Variants in PARD3B observed in about 807,000 individuals in gnomAD.
PARD3B encodes the protein partitioning defective 3 homolog B.
A neutral mutation model predicts 130.2 loss-of-function variants in PARD3B; 103 were observed. That is an observed-to-expected ratio of 0.79 (90% CI 0.67 to 0.93). The LOEUF (loss-of-function observed/expected upper bound fraction) is 0.93, where lower values mean the gene tolerates loss of function less well. Among genes scored for constraint, PARD3B ranks in the 40% least tolerant of loss-of-function variants. The probability of loss-of-function intolerance (pLI) is 0.00; values close to 1 mark genes in which losing one functional copy is unlikely to be tolerated. For synonymous variants in PARD3B, 583 were observed against 553.2 expected, an observed-to-expected ratio of 1.05 and a Z score of -0.76; for missense variants, 1,609 against 1,499.2, an observed-to-expected ratio of 1.07 and a Z score of -1.21.
At chr2:204,897,013 T>C (rs182947118) in intron 2 of PARD3B, among the ~76,000 whole-genome samples, 4 of 151,834 alleles carry the variant, frequency 2.6e-5, no homozygotes, top group Admixed American at 2.6e-4. Context: ...AAAAGGAAAT[T>C]AATTGTGTGC....
intron 2 of PARD3B, among the ~76,000 whole-genome samples, chr2:204,691,265 T>C (rs951058556): frequency 6.6e-6 from 1 of 152,118 alleles, no homozygotes; most frequent in Admixed American, 6.6e-5. Flanking sequence ...AACATGGCAG[T>C]CTATCACATC....
intron 1 of PARD3B, among the ~76,000 whole-genome samples, chr2:204,548,030 C>T (rs915322548): frequency 2.0e-5 from 3 of 152,156 alleles, no homozygotes; most frequent in Non-Finnish European, 4.4e-5. Flanking sequence ...CTTATTTTCA[C>T]TTTTAAAATT....
intron 2 of PARD3B, among the ~76,000 whole-genome samples, chr2:204,785,608 A>G (rs905565602): frequency 1.3e-5 from 2 of 152,202 alleles, no homozygotes; most frequent in African/African-American, 4.8e-5. Context: ...AGTTATGTGT[A>G]TTGGTCTCTA....
chr2:204,697,227 G>A (rs10208062), intron 2 of PARD3B, among the ~76,000 whole-genome samples: 17,130 of 151,984 alleles, frequency 0.11, 2,168 homozygotes, highest in African/African-American at 0.31. Flanking sequence ...TAAATAGTTC[G>A]CCTTTTAAAT....
At chr2:205,282,909 G>T (rs2105843258) in intron 16 of PARD3B, among the ~76,000 whole-genome samples, 1 of 152,304 alleles carries the variant, frequency 6.6e-6, no homozygotes, top group East Asian at 1.9e-4. Context: ...GCAAATGAGA[G>T]ATTCAAACTT....
chr2:204,581,962 A>G (rs962100340), intron 1 of PARD3B, among the ~76,000 whole-genome samples: 1 of 152,168 alleles, frequency 6.6e-6, no homozygotes, highest in African/African-American at 2.4e-5. Context: ...GTGGGTTTAA[A>G]GCACAGTATA....
chr2:205,245,810 G>A lies in PARD3B; in HGVS notation c.2173G>A (p.Gly725Arg). The A allele has an allele frequency of 1.3e-6, 2 of 1,598,412 alleles. No homozygotes were observed. The highest frequency in any genetic ancestry group is 8.6e-7 in the Non-Finnish European group (1 of 1,166,350). Reference protein sequence around the residue: ...PDESKVHSLAGQKSESPSKDF... With the variant: ...PDESKVHSLARQKSESPSKDF... ...TGAAAGCAAGGTTCACTCATTGGCT[G>A]GACAAAAATCGGGTAAGAAATTCCT... The change falls in exon 16 of 23, where the codon GGA becomes AGA. Residue 725 changes from glycine (G) to arginine (R), a missense_variant. Gly to Arg is a moderately radical substitution (Grantham distance 125). Transcript: ENST00000406610.
intron 16 of PARD3B, among the ~76,000 whole-genome samples, chr2:205,255,408 T>C (rs1445575012): frequency 2.6e-5 from 4 of 152,232 alleles, no homozygotes; most frequent in African/African-American, 9.6e-5. Flanking sequence ...GTATGGTTTT[T>C]CCCCACACAC....
intron 4 of PARD3B, among the ~76,000 whole-genome samples, chr2:205,084,406 G>A (rs12694015): frequency 0.99 from 150,300 of 152,122 alleles, 74,279 homozygotes; most frequent in Middle Eastern, 1. Flanking sequence ...GGTGCTTTCA[G>A]CTTACTACTT....
intron 1 of PARD3B, among the ~76,000 whole-genome samples, chr2:204,672,965 G>A (rs776523781): frequency 6.6e-6 from 1 of 152,210 alleles, no homozygotes; most frequent in Non-Finnish European, 1.5e-5. Context: ...CTGTTGTCAA[G>A]AAAGAAAATA....
At chr2:204,698,756 T>TA (rs1316158125) in intron 2 of PARD3B, among the ~76,000 whole-genome samples, 2 of 152,056 alleles carry the variant, frequency 1.3e-5, no homozygotes, top group East Asian at 1.9e-4. Flanking sequence ...TGCGTGGTCT[T>TA]ACAGAGTAAC....
rs77829770 is a variant in PARD3B, at chr2:205,090,482, T to G, written c.505-13944T>G. On this transcript the variant is annotated intron_variant, in intron 4 of 22. Coordinates refer to ENST00000406610, the MANE Select transcript of PARD3B (RefSeq NM_001302769.2). Reference sequence around the variant, plus strand: ...AATATTTACAACAGTTTCTCTGGGGTTTGTTATTTCTGCATGCACTTGTGA... The same window carrying G: ...AATATTTACAACAGTTTCTCTGGGGGTTGTTATTTCTGCATGCACTTGTGA... Among the ~76,000 whole-genome samples, 8 of 152,136 alleles carry G rather than the reference T, an allele frequency of 5.3e-5. No individual in the cohort carries two copies. In the East Asian group the frequency reaches 1.4e-3, roughly 26 times the overall value.
chr2:205,162,854 G>T (rs1176667544), intron 11 of PARD3B, among the ~76,000 whole-genome samples: 1 of 152,140 alleles, frequency 6.6e-6, no homozygotes, highest in Non-Finnish European at 1.5e-5. Context: ...GTCTGAAGAT[G>T]TTAGATATTT....
intron 16 of PARD3B, among the ~76,000 whole-genome samples, chr2:205,286,151 T>C (rs943277070): frequency 9.2e-5 from 14 of 152,172 alleles, no homozygotes; most frequent in Non-Finnish European, 2.1e-4. Context: ...ACAGTTTTTT[T>C]TTCTTTTTTG....
chr2:205,245,638 A>G, intron 15 of PARD3B, 140 bp from the exon 16 acceptor site: 3 of 575,062 alleles, frequency 5.2e-6, no homozygotes, highest in Non-Finnish European at 9.2e-6. Context: ...ATCCCAGGGT[A>G]GGCTGGGAGA....
Position 204,715,933 on chromosome 2 carries a change from C to T in PARD3B, c.222+29651C>T, listed in dbSNP as rs1574793399. Among the ~76,000 whole-genome samples the T allele has an allele frequency of 1.3e-5, 2 of 152,106 alleles. 1 individual carries two copies. The highest frequency in any genetic ancestry group is 4.1e-4 in the South Asian group (2 of 4,826). ...GCACTCCTCAGTTTGAACTGTCACT[C>T]GCCTGGCACACAGATTCATAGGCCT... is the stretch of plus-strand genomic sequence containing the variant. On this transcript the variant is annotated intron_variant, in intron 2 of 22. Transcript: ENST00000406610.
At chr2:205,119,680 G>T (rs185611451) in intron 7 of PARD3B, among the ~76,000 whole-genome samples, 47 of 152,182 alleles carry the variant, frequency 3.1e-4, no homozygotes, top group Non-Finnish European at 5.9e-4. Context: ...TACTTGGGAG[G>T]CTGAGGCAGG....
In PARD3B at chr2:205,113,597, C is replaced by G; in HGVS notation, c.680+20C>G. On this transcript the variant is annotated intron_variant, in intron 6 of 22. Transcript: ENST00000406610. ...TGGAAGGTAAGATGTTTTTCTCATT[C>G]CAGAAGCTCATGCTAATGAAAACCC... 1 of 1,583,830 alleles carries G rather than the reference C, an allele frequency of 6.3e-7. No homozygotes were observed. Among genetic ancestry groups the G allele is most frequent in the East Asian group, 2.3e-5 (1 of 44,442 alleles).
intron 22 of PARD3B, among the ~76,000 whole-genome samples, chr2:205,583,460 T>C (rs1485840648): frequency 6.6e-6 from 1 of 151,900 alleles, no homozygotes; most frequent in African/African-American, 2.4e-5. Context: ...CTGGATTGCC[T>C]TGAGAATAGA....
Sources: gnomAD v4.1 joint callset for allele counts (sites outside exome capture counted in the v4.1 genomes callset) on GRCh38, gnomAD v4.1.1 for gene constraint, MANE v1.5 for transcripts, NCBI Gene and HGNC (gene_info 2026-07-23, HGNC 2026-07-21) for gene names.